Variants in ZNF43 observed in about 807,000 individuals in gnomAD.
ZNF43 encodes the protein zinc finger protein 39-like 1 (KOX 27).
A neutral mutation model predicts 68.4 loss-of-function variants in ZNF43; 44 were observed. The ratio of observed to expected loss-of-function variants is 0.64; its 90% CI spans 0.51 to 0.83. ZNF43 has a LOEUF of 0.83. ZNF43 is among the 40% of genes least tolerant of loss of function. ZNF43 has a pLI of 0.00. For missense variants in ZNF43, 896 were observed against 933.2 expected, an observed-to-expected ratio of 0.96 and a Z score of 0.52; for synonymous variants, 308 against 307.8, an observed-to-expected ratio of 1.00 and a Z score of -0.01.
upstream of ZNF43, among the ~76,000 whole-genome samples, chr19:21,837,146 G>A (rs1018478056): frequency 6.6e-6 from 1 of 152,030 alleles, no homozygotes; most frequent in African/African-American, 2.4e-5. Flanking sequence ...TAATTTCCAG[G>A]TTTTAGAAAC....
At chr19:21,819,265 A>G in intron 1 of ZNF43, 44 bp from the exon 2 acceptor site, 4 of 1,508,984 alleles carry the variant, frequency 2.7e-6, no homozygotes, top group Non-Finnish European at 8.8e-7. Context: ...CACATTTACC[A>G]AGTGGCCACA....
intron 1 of ZNF43, chr19:21,841,728 C>T (rs1222258929): frequency 6.6e-6 from 1 of 152,200 alleles, no homozygotes; most frequent in Non-Finnish European, 1.5e-5. Context: ...GTGATATCAC[C>T]TAGATACAGA....
chr19:21,843,368 T>C lies in ZNF43; in HGVS notation c.30+8537A>G, dbSNP rs17769057. On this transcript the variant is annotated intron_variant, in intron 1 of 3. Transcript: ENST00000357491. ...AAATCAGATAAAACAGTTCTTCACG[T>C]GTCTTCATTCTAGGTATGAGTCAAT... 1.3e-3 allele frequency: 1,277 copies of C among 985,376 alleles called. 13 individuals carry two copies. The East Asian group carries it at 0.04, about 31-fold the overall frequency. 61.0% of individuals were successfully genotyped at this position (985,376 alleles called of 1,614,324 possible). A position where few individuals can be genotyped will look rare whatever the true frequency, so the allele number is the denominator to read the frequency against.
At chr19:21,847,292 G>A (rs1231923365) in intron 1 of ZNF43, among the ~76,000 whole-genome samples, 4 of 152,152 alleles carry the variant, frequency 2.6e-5, no homozygotes, top group Non-Finnish European at 4.4e-5. Flanking sequence ...ACCTTTAGGT[G>A]TTCAGCTGAG....
At chr19:21,816,315 T>C (rs1195896864) in intron 3 of ZNF43, among the ~76,000 whole-genome samples, 2 of 152,146 alleles carry the variant, frequency 1.3e-5, no homozygotes, top group Non-Finnish European at 2.9e-5. Context: ...GGCTGGGTTA[T>C]GTAGCAAGAC....
intron 1 of ZNF43, among the ~76,000 whole-genome samples, chr19:21,835,820 A>C (rs7260253): frequency 0.042 from 6,469 of 152,286 alleles, 407 homozygotes; most frequent in African/African-American, 0.14. Context: ...AGAGCTGCCC[A>C]CAGAGGGCTG....
intron 1 of ZNF43, among the ~76,000 whole-genome samples, chr19:21,834,771 T>TGGAA (rs113045492): frequency 0.035 from 4,864 of 138,218 alleles, 286 homozygotes; most frequent in African/African-American, 0.12. Flanking sequence ...GATGGAAAGA[T>TGGAA]GGAAGGAAGG....
At chr19:21,819,571 T>C (rs577835784) in intron 1 of ZNF43, among the ~76,000 whole-genome samples, 18 of 152,300 alleles carry the variant, frequency 1.2e-4, no homozygotes, top group African/African-American at 3.4e-4. Context: ...TAAAGACATG[T>C]TGAGTTAGAA....
Position 21,807,802 on chromosome 19 carries a change from A to C in ZNF43, c.2235T>G (p.Tyr745Ter). The stretch of plus-strand genomic sequence containing the variant: ...TCTTATGTGTATTAAGGTGTGAGGA[A>C]TAGTTAAATGCTTTGCCACATTCTT... ...KCEECGKAFNYSSHLNTHKRI... is the reference protein window; with the variant it reads ...KCEECGKAFN The change falls in exon 4 of 4, where the codon TAT (tyrosine) becomes TAG (stop). Residue 745 changes from tyrosine (Y) to a stop codon, truncating the protein, a stop_gained. Transcript: ENST00000354959. LOFTEE classifies it high-confidence loss of function. 1 of 1,612,392 alleles carries C rather than the reference A, an allele frequency of 6.2e-7. No individual in the cohort carries two copies. Among genetic ancestry groups the C allele is most frequent in the Non-Finnish European group, 8.5e-7 (1 of 1,179,386 alleles).
At chr19:21,820,320 C>A (rs1358141305) in intron 1 of ZNF43, among the ~76,000 whole-genome samples, 2 of 72,968 alleles carry the variant, frequency 2.7e-5, no homozygotes, top group Non-Finnish European at 5.2e-5. Flanking sequence ...TGGATCACAC[C>A]TATAATCCCA....
chr19:21,805,460 T>C lies in ZNF43; in HGVS notation c.*2147A>G. On this transcript the variant is annotated 3_prime_UTR_variant, in exon 4 of 4. Coordinates refer to ENST00000354959, the MANE Select transcript of ZNF43 (RefSeq NM_003423.4). ...GCCTGGGTGACAGAGCGAGACTCCA[T>C]CTCCAAAAAAAAACCCAAACAAGTA... 6.7e-6 allele frequency: 1 copy of C among 148,750 alleles called. No homozygotes were observed. The highest frequency in any genetic ancestry group is 1.5e-5 in the Non-Finnish European group (1 of 67,572). 9.2% of individuals were successfully genotyped at this position (148,750 alleles called of 1,614,324 possible).
intron 3 of ZNF43, among the ~76,000 whole-genome samples, chr19:21,815,508 T>TATATATATA (rs1568355553): frequency 6.7e-6 from 1 of 148,892 alleles, no homozygotes; most frequent in African/African-American, 2.5e-5. Flanking sequence ...TATATATATA[T>TATATATATA]TTTGCAGAAT....
Position 21,818,651 on chromosome 19 carries a change from C to T in ZNF43, c.130+444G>A, listed in dbSNP as rs543672089. Reference sequence around the variant, plus strand: ...GGTCAGGCTGGTCTCAAACTCCTGACCTCAGGTATCTGCCTGCCTCGGCCT... The same window carrying T: ...GGTCAGGCTGGTCTCAAACTCCTGATCTCAGGTATCTGCCTGCCTCGGCCT... On this transcript the variant is annotated intron_variant, in intron 2 of 3. Transcript: ENST00000354959. 9.2e-5 allele frequency among the ~76,000 whole-genome samples: 14 copies of T among 152,140 alleles called. No homozygotes were observed. In the South Asian group the frequency reaches 2.5e-3, roughly 27 times the overall value.
chr19:21,847,497 G>A (rs1296531146), intron 1 of ZNF43, among the ~76,000 whole-genome samples: 1 of 152,092 alleles, frequency 6.6e-6, no homozygotes, highest in Non-Finnish European at 1.5e-5. Flanking sequence ...AGGAGTTCGA[G>A]ACCAGCCTGG....
At chr19:21,837,368 AT>A (rs1409420504), upstream of ZNF43, among the ~76,000 whole-genome samples, 1 of 147,756 alleles carries the variant, frequency 6.8e-6, no homozygotes, top group African/African-American at 2.5e-5. Flanking sequence ...GAAAGTAGGA[AT>A]TTGTGTAAAC....
intron 1 of ZNF43, among the ~76,000 whole-genome samples, chr19:21,821,471 A>G (rs2037842922): frequency 6.6e-6 from 1 of 152,136 alleles, no homozygotes; most frequent in South Asian, 2.1e-4. Flanking sequence ...TGCTTTATAA[A>G]TGTCTTCTTG....
At chr19:21,842,410 A>C (rs916126713) in intron 1 of ZNF43, among the ~76,000 whole-genome samples, 2 of 149,800 alleles carry the variant, frequency 1.3e-5, no homozygotes, top group Admixed American at 6.7e-5. Flanking sequence ...TCCATCTCAA[A>C]AAAAAAAAAA....
At chr19:21,825,300 A>G (rs1252967646) in intron 1 of ZNF43, among the ~76,000 whole-genome samples, 2 of 152,164 alleles carry the variant, frequency 1.3e-5, no homozygotes, top group Non-Finnish European at 2.9e-5. Flanking sequence ...TACAGAAATA[A>G]CACTGATTAT....
intron 3 of ZNF43, chr19:21,811,933 A>G (rs968279103): frequency 2.5e-6 from 1 of 395,092 alleles, no homozygotes; most frequent in Non-Finnish European, 4.5e-6. Context: ...TGGTCTTGGC[A>G]CCATTTTCTT....
Sources: allele counts gnomAD v4.1 joint callset (sites outside exome capture counted in the v4.1 genomes callset), GRCh38; gene constraint gnomAD v4.1.1; transcripts MANE v1.5; gene names NCBI Gene and HGNC (gene_info 2026-07-23, HGNC 2026-07-21).